Variants in RADIL observed in about 807,000 individuals in gnomAD.
RADIL encodes the protein Rap associating with DIL domain.
Under a neutral mutation model 97.6 loss-of-function variants are expected in RADIL, and 99 were observed. The observed-to-expected ratio is 1.01, with a 90% CI of 0.86 to 1.20. The LOEUF (loss-of-function observed/expected upper bound fraction) is 1.20. RADIL is among the 50% of genes most tolerant of loss of function. The pLI, the probability that RADIL is intolerant of heterozygous loss-of-function variation, is 0.00. For synonymous variants in RADIL, 803 were observed against 691.8 expected (o/e 1.16, Z -2.52); for missense variants, 1,765 against 1,498.9 (o/e 1.18, Z -2.93).
chr7:4,848,369 C>A lies in RADIL; in HGVS notation c.536-11764G>T, dbSNP rs982345996. On this transcript the variant is annotated intron_variant, in intron 2 of 14. Transcript: ENST00000399583. ...TAATAAAAGTTTTTTAAAAAAAAAACCCAGCAAAGACATTTCTTTACGTCA... is the reference window on the plus strand; with the variant it reads ...TAATAAAAGTTTTTTAAAAAAAAAAACCAGCAAAGACATTTCTTTACGTCA... Among the ~76,000 whole-genome samples, 86 of 149,956 alleles carry A rather than the reference C, an allele frequency of 5.7e-4. 1 individual carries two copies. Among genetic ancestry groups the A allele is most frequent in the African/African-American group, 1.8e-3 (72 of 40,882 alleles).
At position 4,801,888 on chromosome 7, in the gene RADIL, A is replaced by C. The variant is rs1186622922; in HGVS notation, c.2607T>G (p.Leu869=). Residue 869 remains leucine, a synonymous_variant, in exon 12 of 15, where the codon CTT becomes CTG. Coordinates refer to ENST00000399583, the MANE Select transcript of RADIL (RefSeq NM_018059.5). The part of the protein sequence containing the change: ...AAREVAPERT[L]PLRGAPWAQA... ...GTGCCCAGGGAGCCCCCCTCAAGGG[A>C]AGAGTACGCTCCGGGGCCACTTCCC... The C allele has an allele frequency of 6.3e-7, 1 of 1,587,098 alleles. No homozygotes were observed. The highest frequency in any genetic ancestry group is 1.3e-5 in the African/African-American group (1 of 74,292).
chr7:4,820,713 A>C (rs1782807813), intron 6 of RADIL, among the ~76,000 whole-genome samples: 1 of 152,006 alleles, frequency 6.6e-6, no homozygotes, highest in African/African-American at 2.4e-5. Context: ...CGGGGGCCCC[A>C]CCCCACAACC....
chr7:4,807,256 G>T (rs1022559747), intron 9 of RADIL, among the ~76,000 whole-genome samples: 1 of 151,988 alleles, frequency 6.6e-6, no homozygotes, highest in East Asian at 1.9e-4. Context: ...TGCAGGAGGG[G>T]TGAGGGCACA....
intron 2 of RADIL, chr7:4,861,569 C>T: frequency 1.2e-6 from 2 of 1,613,946 alleles, no homozygotes; most frequent in Non-Finnish European, 1.7e-6. Context: ...CTTGCTTTCA[C>T]TGATTTCGCG....
In RADIL at chr7:4,840,782, C is replaced by G. The variant is rs2115009076; in HGVS notation, c.536-4177G>C. On this transcript the variant is annotated intron_variant, in intron 2 of 14. Coordinates refer to ENST00000399583, the MANE Select transcript of RADIL (RefSeq NM_018059.5). The surrounding 1 kb of genome is among the most constrained non-coding windows in gnomAD (Gnocchi z 5.6). ...AAGAAATCAAGACCATCCTGGCCAA[C>G]ATGGTGAAACCCCGTCTGTACTAAA... Among the ~76,000 whole-genome samples, 1 of 152,300 alleles carries G rather than the reference C, an allele frequency of 6.6e-6. No individual in the cohort carries two copies. The highest frequency in any genetic ancestry group is 1.5e-5 in the Non-Finnish European group (1 of 68,028).
chr7:4,805,299 A>C, intron 10 of RADIL: 1 of 415,836 alleles, frequency 2.4e-6, no homozygotes, highest in Non-Finnish European at 4.3e-6. Context: ...TGAGGGAACG[A>C]GGGGGCCTTG....
Position 4,798,035 on chromosome 7 carries a change from T to C in RADIL, c.*1343A>G, listed in dbSNP as rs1583250907. The C allele has an allele frequency of 1.3e-5, 2 of 148,296 alleles. No individual in the cohort carries two copies. Among genetic ancestry groups the C allele is most frequent in the East Asian group, 1.9e-4 (1 of 5,162 alleles). The allele number at this position is 148,296 out of a possible 1,614,324, so 9.2% of individuals were successfully genotyped here. On this transcript the variant is annotated 3_prime_UTR_variant, in exon 15 of 15. Coordinates refer to ENST00000399583, the MANE Select transcript of RADIL (RefSeq NM_018059.5). ...AAATATAAAAAATGTTTATAAAATA[T>C]ACGAATATATTACGTATACATGAAT...
rs1461369254 is a variant in RADIL at position 4,808,466 on chromosome 7, G to A, written c.2140-2750C>T. The A allele has an allele frequency of 7.7e-6, 4 of 517,372 alleles. No homozygotes were observed. The African/African-American group carries it at 8.3e-5, about 11-fold the overall frequency. 32.0% of individuals were successfully genotyped at this position (517,372 alleles called of 1,614,324 possible). On this transcript the variant is annotated intron_variant, in intron 9 of 14. Coordinates refer to ENST00000399583, the MANE Select transcript of RADIL (RefSeq NM_018059.5). The stretch of plus-strand genomic sequence containing the variant: ...TTCAGGGGTCATCAAACTAGGGCCA[G>A]CGAGGCCTATTTTTATAGGGCCCCC...
At position 4,835,743 on chromosome 7, in the gene RADIL, G is replaced by A. The variant is rs1783279830; in HGVS notation, c.784-504C>T. Among the ~76,000 whole-genome samples, 1 of 152,100 alleles carries A rather than the reference G, an allele frequency of 6.6e-6. No individual in the cohort carries two copies. Among genetic ancestry groups the A allele is most frequent in the African/African-American group, 2.4e-5 (1 of 41,426 alleles). ...AGTGCTCATGGAAATGAGCAGCAAA[G>A]GAGCTGGCTGCACAGGAGGGCGGGG... On this transcript the variant is annotated intron_variant, in intron 3 of 14. Transcript: ENST00000399583. The surrounding 1 kb of genome is among the most constrained non-coding windows in gnomAD (Gnocchi z 5.8).
intron 2 of RADIL, among the ~76,000 whole-genome samples, chr7:4,869,849 G>A (rs546990800): frequency 6.6e-6 from 1 of 152,324 alleles, no homozygotes; most frequent in Admixed American, 6.5e-5. Context: ...TGGACACTCA[G>A]GCCAGGTGCA....
intron 2 of RADIL, among the ~76,000 whole-genome samples, chr7:4,875,188 TCTC>T (rs1170803538): frequency 1.0e-5 from 1 of 96,858 alleles, no homozygotes; most frequent in Non-Finnish European, 1.8e-5. Flanking sequence ...CGAGACTCCA[TCTC>T]CAACAACAAC....
chr7:4,827,750 A>C (rs946477573), intron 5 of RADIL, among the ~76,000 whole-genome samples: 1 of 152,212 alleles, frequency 6.6e-6, no homozygotes, highest in Non-Finnish European at 1.5e-5. Context: ...TCCCTCCCCG[A>C]GGACTCTGGC....
At chr7:4,863,643 A>T (rs1784071041) in intron 2 of RADIL, among the ~76,000 whole-genome samples, 1 of 152,218 alleles carries the variant, frequency 6.6e-6, no homozygotes, top group Admixed American at 6.5e-5. Flanking sequence ...TTCATTTTTA[A>T]GGAACAGTCT....
intron 2 of RADIL, among the ~76,000 whole-genome samples, chr7:4,863,284 C>T (rs1410646559): frequency 6.6e-6 from 1 of 152,172 alleles, no homozygotes; most frequent in Non-Finnish European, 1.5e-5. Flanking sequence ...ATGTTTTTCC[C>T]CCTACCTTTT....
Position 4,809,394 on chromosome 7 carries a change from C to A in RADIL, c.2140-3678G>T, listed in dbSNP as rs1172933572. ...GGCTGAGCGGGGGGAGGCGGAGATC[C>A]TGAGTGTCGCTGCTGCCTCCTTTCC... is the stretch of plus-strand genomic sequence containing the variant. On this transcript the variant is annotated intron_variant, in intron 9 of 14. Transcript: ENST00000399583. The A allele has an allele frequency of 4.1e-6, 4 of 985,328 alleles. No individual in the cohort carries two copies. The African/African-American group carries it at 7.0e-5, about 17-fold the overall frequency. The allele number at this position is 985,328 out of a possible 1,614,324, so 61.0% of individuals were successfully genotyped here.
chr7:4,836,402 G>T lies in RADIL; in HGVS notation c.739C>A (p.Gln247Lys). The change falls in exon 3 of 15, where the codon CAG (glutamine) becomes AAG (lysine). Residue 247 changes from glutamine (Q) to lysine (K), a missense_variant. Physicochemically the swap from Gln to Lys is moderately conservative, Grantham distance 53. Transcript: ENST00000399583. ...TGCAGAAGGAGCAGATGCGGGGACT[G>T]GTACAGCGAGTACCGCATGGCGTCG... ...GPDAMRYSLYQSPHLLLLQGY... is the reference protein window; with the variant it reads ...GPDAMRYSLYKSPHLLLLQGY... 1 of 1,578,810 alleles carries T rather than the reference G, an allele frequency of 6.3e-7. No homozygotes were observed.
rs570592893 is a variant in RADIL, at chr7:4,854,665, C to A, written c.536-18060G>T. The stretch of plus-strand genomic sequence containing the variant: ...GCCGAGATGGCGCCACCGCACTCCA[C>A]CCTGGGCGACAGAGCGAGACTCCGT... On this transcript the variant is annotated intron_variant, in intron 2 of 14. Transcript: ENST00000399583. This position sits in a 1 kb window ranked among gnomAD's most constrained non-coding sequence, Gnocchi z 5.1. 6.6e-6 allele frequency among the ~76,000 whole-genome samples: 1 copy of A among 152,090 alleles called. No homozygotes were observed. Among genetic ancestry groups the A allele is most frequent in the Non-Finnish European group, 1.5e-5 (1 of 68,006 alleles).
At chr7:4,841,478 G>C (rs1783438159) in intron 2 of RADIL, among the ~76,000 whole-genome samples, 1 of 152,232 alleles carries the variant, frequency 6.6e-6, no homozygotes, top group Non-Finnish European at 1.5e-5. Flanking sequence ...AGCTTGGTGG[G>C]AGCATCCAGT....
chr7:4,874,597 G>A (rs1784326923), intron 2 of RADIL, among the ~76,000 whole-genome samples: 1 of 152,220 alleles, frequency 6.6e-6, no homozygotes. Flanking sequence ...GCCAGCTCTG[G>A]GTAGGTAACA....
Sources: allele counts gnomAD v4.1 joint callset (sites outside exome capture counted in the v4.1 genomes callset), GRCh38; gene constraint gnomAD v4.1.1; non-coding constraint Gnocchi (gnomAD v3.1); transcripts MANE v1.5; gene names NCBI Gene and HGNC (gene_info 2026-07-23, HGNC 2026-07-21).